The following RLF variants were observed in gnomAD, a reference collection of about 807,000 sequenced individuals.
RLF encodes zinc finger protein Rlf.
In RLF, 7 loss-of-function variants were observed where a neutral mutation model predicts 162.9. That is an observed-to-expected ratio of 0.04 (90% confidence interval 0.02 to 0.08). RLF has a LOEUF of 0.08. RLF is among the 10% of genes least tolerant of loss of function. The pLI is 1.00. For missense variants in RLF, 1,664 were observed against 2,244.7 expected (o/e 0.74, Z 5.23); for synonymous variants, 782 against 791.5 (o/e 0.99, Z 0.20).
At chr1:40,233,242 A>AT (rs1643175349) in intron 7 of RLF, among the ~76,000 whole-genome samples, 3 of 152,128 alleles carry the variant, frequency 2.0e-5, no homozygotes, top group African/African-American at 7.2e-5. Flanking sequence ...GCATATCCTG[A>AT]TTCACATTTA....
In RLF at chr1:40,240,712, A is replaced by G; in HGVS notation, c.*265A>G. The G allele has an allele frequency of 2.7e-6, 1 of 369,372 alleles. No individual in the cohort carries two copies. Among genetic ancestry groups the G allele is most frequent in the South Asian group, 3.7e-5 (1 of 26,986 alleles). The allele number at this position is 369,372 out of a possible 1,614,324, so 22.9% of individuals were successfully genotyped here. A position where few individuals can be genotyped will look rare whatever the true frequency, so the allele number is the denominator to read the frequency against. Reference sequence around the variant, plus strand: ...TGTTTGGTGCTAATTAATACATCAAAATATACTGGGGCTTCCTTTTTCAAA... The same window carrying G: ...TGTTTGGTGCTAATTAATACATCAAGATATACTGGGGCTTCCTTTTTCAAA... On this transcript the variant is annotated 3_prime_UTR_variant, in exon 8 of 8. Transcript: ENST00000372771.
chr1:40,185,685 G>A (rs1235512401), intron 1 of RLF, among the ~76,000 whole-genome samples: 7 of 139,782 alleles, frequency 5.0e-5, no homozygotes, highest in East Asian at 2.1e-4. Context: ...AAAATTAGCC[G>A]GGCATGGTGG....
At chr1:40,165,564 T>G (rs887046536) in intron 1 of RLF, among the ~76,000 whole-genome samples, 4 of 152,100 alleles carry the variant, frequency 2.6e-5, no homozygotes, top group African/African-American at 9.7e-5. Context: ...TTCCTCTTAT[T>G]TGTTTGGGAT....
At chr1:40,172,516 G>A (rs532800288) in intron 1 of RLF, among the ~76,000 whole-genome samples, 17 of 152,262 alleles carry the variant, frequency 1.1e-4, no homozygotes, top group African/African-American at 3.6e-4. Context: ...CGGGTGCGGC[G>A]GCTCACACCT....
intron 4 of RLF, among the ~76,000 whole-genome samples, chr1:40,197,259 A>C (rs1314882613): frequency 6.6e-6 from 1 of 152,224 alleles, no homozygotes; most frequent in Non-Finnish European, 1.5e-5. Context: ...AAGTGCTGTT[A>C]AATAGAAAAA....
intron 5 of RLF, among the ~76,000 whole-genome samples, chr1:40,206,848 C>T (rs1180161012): frequency 6.6e-6 from 1 of 152,168 alleles, no homozygotes; most frequent in East Asian, 1.9e-4. Flanking sequence ...GAATGGCTTA[C>T]TCCCTTACCT....
rs1332990821 is a variant in RLF at position 40,161,614 on chromosome 1, A to G, written c.215A>G (p.Asn72Ser). 2 of 1,612,496 alleles carry G rather than the reference A, an allele frequency of 1.2e-6. No individual in the cohort carries two copies. Among genetic ancestry groups the G allele is most frequent in the African/African-American group, 2.7e-5 (2 of 74,790 alleles). ...EQEVSEVSSL[N>S]YCRSFCQTLL... is the part of the protein sequence containing the mutation. ...GAGGTGTCGGAGGTCTCATCTTTGA[A>G]CTACTGCCGGAGCTTCTGCCAGGTG... The change falls in exon 1 of 8, where the codon AAC (asparagine) becomes AGC (serine). Residue 72 changes from asparagine (N) to serine (S), a missense_variant. Asn to Ser is a conservative substitution (Grantham distance 46). Transcript: ENST00000372771. The surrounding 1 kb of genome is among the most constrained non-coding windows in gnomAD (Gnocchi z 4.4).
chr1:40,230,007 G>A (rs933982226), intron 6 of RLF, among the ~76,000 whole-genome samples: 2 of 151,774 alleles, frequency 1.3e-5, no homozygotes, highest in Admixed American at 1.3e-4. Context: ...CCAGCTACTT[G>A]GGAGGCTGAG....
rs756164517 is a variant in RLF at position 40,195,649 on chromosome 1, A to G, written c.492A>G (p.Leu164=). ...LQSLQESHDA[L]LEFGNNNLQI... is the part of the protein sequence containing the mutation. ...TGTTCTAGGAGTCACATGATGCATT[A>G]TTGGAATTTGGGAATAATAACCTAC... Residue 164 remains leucine, a synonymous_variant, in exon 4 of 8, where the codon TTA becomes TTG. Coordinates refer to ENST00000372771, the MANE Select transcript of RLF (RefSeq NM_012421.4). The G allele has an allele frequency of 1.9e-5, 31 of 1,612,480 alleles. No homozygotes were observed. The East Asian group carries it at 2.9e-4, about 15-fold the overall frequency.
At chr1:40,214,459 T>A (rs1035172666) in intron 5 of RLF, among the ~76,000 whole-genome samples, 2 of 152,202 alleles carry the variant, frequency 1.3e-5, no homozygotes, top group Non-Finnish European at 2.9e-5. Flanking sequence ...TGGCTCAAAT[T>A]TTTTTGTCAC....
chr1:40,177,167 G>A (rs1259294781), intron 1 of RLF, among the ~76,000 whole-genome samples: 3 of 151,868 alleles, frequency 2.0e-5, no homozygotes, highest in African/African-American at 7.3e-5. Context: ...TGTATTTTTA[G>A]ATGAGACAGG....
intron 1 of RLF, among the ~76,000 whole-genome samples, chr1:40,162,983 C>T (rs976607642): frequency 1.3e-5 from 2 of 152,122 alleles, no homozygotes; most frequent in Non-Finnish European, 2.9e-5. Flanking sequence ...GATGAACTTA[C>T]AGTTGGTGGG....
At chr1:40,204,735 T>G (rs1156389679) in intron 5 of RLF, among the ~76,000 whole-genome samples, 5 of 152,098 alleles carry the variant, frequency 3.3e-5, no homozygotes, top group Non-Finnish European at 5.9e-5. Context: ...CTATATTTCT[T>G]TAGCCCATTC....
At chr1:40,189,789 G>A (rs1642532011) in intron 2 of RLF, among the ~76,000 whole-genome samples, 3 of 151,598 alleles carry the variant, frequency 2.0e-5, no homozygotes, top group Admixed American at 2.0e-4. Flanking sequence ...GTGGTGGAGT[G>A]GAGACTGTCT....
chr1:40,233,206 A>G (rs557727054), intron 7 of RLF, among the ~76,000 whole-genome samples: 16 of 152,186 alleles, frequency 1.1e-4, no homozygotes, highest in African/African-American at 3.1e-4. Context: ...AGACCCACCA[A>G]TTTCTTCAAA....
At chr1:40,202,675 T>C (rs1418766772) in intron 5 of RLF, 61 bp downstream of exon 5, 6 of 980,232 alleles carry the variant, frequency 6.1e-6, no homozygotes, top group Non-Finnish European at 8.8e-6. Context: ...ATATATATAT[T>C]GCATGGTTTA....
chr1:40,163,562 T>G (rs1173227189), intron 1 of RLF, among the ~76,000 whole-genome samples: 4 of 152,228 alleles, frequency 2.6e-5, no homozygotes, highest in Admixed American at 2.0e-4. Flanking sequence ...AGAAGAATTT[T>G]TAAAAGAAAG....
At chr1:40,220,895 G>T (rs1204984259) in intron 5 of RLF, among the ~76,000 whole-genome samples, 1 of 151,668 alleles carries the variant, frequency 6.6e-6, no homozygotes, top group Non-Finnish European at 1.5e-5. Context: ...AGAGGCTGAG[G>T]GAGGAGGGAT....
At position 40,238,405 on chromosome 1, in the gene RLF, C is replaced by T; in HGVS notation, c.3703C>T (p.Pro1235Ser). 6.2e-7 allele frequency: 1 copy of T among 1,614,050 alleles called. No homozygotes were observed. Among genetic ancestry groups the T allele is most frequent in the Non-Finnish European group, 8.5e-7 (1 of 1,179,978 alleles). ...GDCSAELGGD[P>S]SSNSEKPHCH... ...TTGTTCTGCAGAACTTGGAGGTGAT[C>T]CCAGTAGTAACTCTGAGAAACCACA... Residue 1235 changes from proline to serine, a missense_variant, in exon 8 of 8, where the codon CCC becomes TCC. Physicochemically the swap from Pro to Ser is moderately conservative, Grantham distance 74 (BLOSUM62 -1). Transcript: ENST00000372771. The surrounding 1 kb of genome is among the most constrained non-coding windows in gnomAD (Gnocchi z 5.2).
Sources: allele counts gnomAD v4.1 joint callset (sites outside exome capture counted in the v4.1 genomes callset), GRCh38; gene constraint gnomAD v4.1.1; non-coding constraint Gnocchi (gnomAD v3.1); transcripts MANE v1.5; gene names NCBI Gene and HGNC (gene_info 2026-07-23, HGNC 2026-07-21).